The following EREG variants were observed in gnomAD, a reference collection of about 807,000 sequenced individuals.
EREG encodes the protein epiregulin.
EREG carries 23 observed loss-of-function variants against 22.4 expected under a neutral mutation model. The ratio of observed to expected loss-of-function variants is 1.03; its 90% confidence interval spans 0.74 to 1.46. The LOEUF (loss-of-function observed/expected upper bound fraction) is 1.46. EREG is among the 40% of genes most tolerant of loss of function. The pLI, the probability that EREG is intolerant of heterozygous loss-of-function variation, is 0.00. For missense variants in EREG, 226 were observed against 205.9 expected (o/e 1.10, Z -0.60); for synonymous variants, 100 against 75.4 (o/e 1.33, Z -1.69).
intron 1 of EREG, among the ~76,000 whole-genome samples, chr4:74,374,781 CCT>C: frequency 6.6e-6 from 1 of 151,944 alleles, no homozygotes; most frequent in South Asian, 2.1e-4. Context: ...CGATTTGTAT[CCT>C]CTGAGTCACT....
Position 74,382,736 on chromosome 4 carries a change from ATTC to A in EREG, c.373_375del (p.Leu125del), listed in dbSNP as rs1485768869. On this transcript the variant is annotated inframe_deletion, in exon 4 of 5. Transcript: ENST00000244869. ...CAAAGAATATGTGGCTTTGACCGTG[ATTC>A]TTATTATTTTGTTTCTTATCACAGT... 2 of 1,613,716 alleles carry A rather than the reference ATTC, an allele frequency of 1.2e-6. No individual in the cohort carries two copies. The highest frequency in any genetic ancestry group is 3.3e-5 in the Admixed American group (2 of 59,964).
intron 1 of EREG, among the ~76,000 whole-genome samples, chr4:74,369,667 G>T (rs548116102): frequency 6.6e-6 from 1 of 151,976 alleles, no homozygotes; most frequent in East Asian, 1.9e-4. Context: ...TGATTGATAC[G>T]TGCACACACA....
At chr4:74,377,914 A>G (rs959914344) in intron 1 of EREG, among the ~76,000 whole-genome samples, 2 of 152,262 alleles carry the variant, frequency 1.3e-5, no homozygotes, top group South Asian at 4.1e-4. Flanking sequence ...ATACATGGGG[A>G]TTGCAATTCC....
In EREG at chr4:74,386,030, C is replaced by G; in HGVS notation, c.*1222C>G. On this transcript the variant is annotated 3_prime_UTR_variant, in exon 5 of 5. Transcript: ENST00000244869. ...GTGGAGGCTGAGATGAAAACTAGGG[C>G]TCATTTTCCTGACATTTGTTTATTT... 2.7e-6 allele frequency: 1 copy of G among 367,890 alleles called. No homozygotes were observed. Among genetic ancestry groups the G allele is most frequent in the Non-Finnish European group, 4.8e-6 (1 of 206,412 alleles). 22.8% of individuals were successfully genotyped at this position (367,890 alleles called of 1,614,324 possible).
intron 1 of EREG, among the ~76,000 whole-genome samples, chr4:74,365,761 T>A (rs1326610950): frequency 6.8e-6 from 1 of 146,022 alleles, no homozygotes. Flanking sequence ...TGTTGGAGAG[T>A]GGGGAATAGA....
At chr4:74,368,398 TA>T (rs1752226622) in intron 1 of EREG, among the ~76,000 whole-genome samples, 1 of 152,224 alleles carries the variant, frequency 6.6e-6, no homozygotes, top group East Asian at 1.9e-4. Flanking sequence ...TTCCAAGGTT[TA>T]CATTAAGTAA....
Position 74,388,480 on chromosome 4 carries a change from T to C in EREG, c.*3672T>C, listed in dbSNP as rs1291239029. The C allele has an allele frequency of 6.6e-6, 1 of 152,630 alleles. No individual in the cohort carries two copies. Among genetic ancestry groups the C allele is most frequent in the Non-Finnish European group, 1.5e-5 (1 of 68,026 alleles). 9.5% of individuals were successfully genotyped at this position (152,630 alleles called of 1,614,324 possible). ...TGCACTTTTTAAGTTTGAAGAGCCA[T>C]TTTGGTAAACGGTTTTTATTAAAGA... On this transcript the variant is annotated 3_prime_UTR_variant, in exon 5 of 5. Transcript: ENST00000244869.
intron 1 of EREG, among the ~76,000 whole-genome samples, chr4:74,370,767 A>G (rs1752276494): frequency 6.6e-6 from 1 of 152,158 alleles, no homozygotes; most frequent in Admixed American, 6.5e-5. Context: ...TTAGAAATTA[A>G]AGAAACCTTA....
rs1271373435 is a variant in EREG, at chr4:74,387,437, T to C, written c.*2629T>C. The C allele has an allele frequency of 6.6e-6, 1 of 151,626 alleles. No individual in the cohort carries two copies. Among genetic ancestry groups the C allele is most frequent in the Non-Finnish European group, 1.5e-5 (1 of 68,030 alleles). 9.4% of individuals were successfully genotyped at this position (151,626 alleles called of 1,614,324 possible). A position where few individuals can be genotyped will look rare whatever the true frequency, so the allele number is the denominator to read the frequency against. ...TTGGTTTGTCAGTTTATCTTAAGCA[T>C]GTCAATTCATAAAAACAAGTCATTT... On this transcript the variant is annotated 3_prime_UTR_variant, in exon 5 of 5. Transcript: ENST00000244869.
At chr4:74,383,174 C>A (rs1752508478) in intron 4 of EREG, among the ~76,000 whole-genome samples, 1 of 152,114 alleles carries the variant, frequency 6.6e-6, no homozygotes. Context: ...CAATTCCCTT[C>A]TTTATCAAAT....
intron 1 of EREG, 104 bp downstream of exon 1, chr4:74,365,479 A>G (rs1578814520): frequency 2.7e-6 from 2 of 729,676 alleles, no homozygotes; most frequent in South Asian, 3.3e-5. Flanking sequence ...CTCCAGGTTC[A>G]AGTGTGCTCT....
chr4:74,386,608 A>G lies in EREG; in HGVS notation c.*1800A>G, dbSNP rs993865206. ...AAAGAAAAATCAATTAGATCTAAAC[A>G]GTTATTTCTGTTTCCTATTTAATAC... On this transcript the variant is annotated 3_prime_UTR_variant, in exon 5 of 5. Coordinates refer to ENST00000244869, the MANE Select transcript of EREG (RefSeq NM_001432.3). The G allele has an allele frequency of 2.0e-5, 3 of 152,208 alleles. No homozygotes were observed. The highest frequency in any genetic ancestry group is 7.2e-5 in the African/African-American group (3 of 41,454). 9.4% of individuals were successfully genotyped at this position (152,208 alleles called of 1,614,324 possible).
In EREG at chr4:74,386,743, T is replaced by TA. The variant is rs1752575220; in HGVS notation, c.*1941dup. 6.6e-6 allele frequency: 1 copy of TA among 151,968 alleles called. No homozygotes were observed. The highest frequency in any genetic ancestry group is 1.5e-5 in the Non-Finnish European group (1 of 68,018). 9.4% of individuals were successfully genotyped at this position (151,968 alleles called of 1,614,324 possible). A position where few individuals can be genotyped will look rare whatever the true frequency, so the allele number is the denominator to read the frequency against. On this transcript the variant is annotated 3_prime_UTR_variant, in exon 5 of 5. Transcript: ENST00000244869. The stretch of plus-strand genomic sequence containing the variant: ...CAACCAACCAAGGACGGAAAATGCT[T>TA]AAAAAATAATACAACAACAACAAAA...
chr4:74,387,567 A>G lies in EREG; in HGVS notation c.*2759A>G, dbSNP rs1321164344. 6.6e-6 allele frequency: 1 copy of G among 152,212 alleles called. No individual in the cohort carries two copies. Among genetic ancestry groups the G allele is most frequent in the Non-Finnish European group, 1.5e-5 (1 of 68,030 alleles). 9.4% of individuals were successfully genotyped at this position (152,212 alleles called of 1,614,324 possible). A position where few individuals can be genotyped will look rare whatever the true frequency, so the allele number is the denominator to read the frequency against. On this transcript the variant is annotated 3_prime_UTR_variant, in exon 5 of 5. Transcript: ENST00000244869. The stretch of plus-strand genomic sequence containing the variant: ...TAAAGTATGACCCACATTACTTTTT[A>G]TGGGTGAAAATAAGACAAAAATAAT...
At chr4:74,376,733 T>A (rs2110386700) in intron 1 of EREG, among the ~76,000 whole-genome samples, 1 of 152,320 alleles carries the variant, frequency 6.6e-6, no homozygotes, top group African/African-American at 2.4e-5. Flanking sequence ...TTTCAAATTG[T>A]TGAAGAACAG....
In EREG at chr4:74,386,644, A is replaced by T. The variant is rs1215792856; in HGVS notation, c.*1836A>T. 6.6e-6 allele frequency: 1 copy of T among 152,240 alleles called. No homozygotes were observed. Among genetic ancestry groups the T allele is most frequent in the African/African-American group, 2.4e-5 (1 of 41,464 alleles). The allele number at this position is 152,240 out of a possible 1,614,324, so 9.4% of individuals were successfully genotyped here. On this transcript the variant is annotated 3_prime_UTR_variant, in exon 5 of 5. Coordinates refer to ENST00000244869, the MANE Select transcript of EREG (RefSeq NM_001432.3). Reference sequence around the variant, plus strand: ...TTTCCTATTTAATACAGCTGAAGTCAAAATATGTAAGAACACATTTTAAAT... The same window carrying T: ...TTTCCTATTTAATACAGCTGAAGTCTAAATATGTAAGAACACATTTTAAAT...
intron 1 of EREG, among the ~76,000 whole-genome samples, chr4:74,377,618 G>C (rs890633050): frequency 1.3e-5 from 2 of 152,180 alleles, no homozygotes; most frequent in Non-Finnish European, 2.9e-5. Context: ...GGACTTCCCT[G>C]AGACTGGGTA....
chr4:74,372,479 G>T (rs994825384), intron 1 of EREG, among the ~76,000 whole-genome samples: 7 of 152,160 alleles, frequency 4.6e-5, no homozygotes, highest in African/African-American at 1.7e-4. Flanking sequence ...CCACAATGTG[G>T]CCATAATGAA....
In EREG at chr4:74,381,139, T is replaced by C; in HGVS notation, c.278+2T>C. ...GGACATGAGTCAAAACTACTGCAGG[T>C]AATATGTCAGAAATAAACAAACACA... On this transcript the variant is annotated splice_donor_variant, in intron 3 of 4. Coordinates refer to ENST00000244869, the MANE Select transcript of EREG (RefSeq NM_001432.3). LOFTEE classifies it high-confidence loss of function. The C allele has an allele frequency of 6.2e-7, 1 of 1,608,826 alleles. No individual in the cohort carries two copies. Among genetic ancestry groups the C allele is most frequent in the Non-Finnish European group, 8.5e-7 (1 of 1,178,432 alleles).
Sources: gnomAD v4.1 joint callset for allele counts (sites outside exome capture counted in the v4.1 genomes callset) on GRCh38, gnomAD v4.1.1 for gene constraint, MANE v1.5 for transcripts, NCBI Gene and HGNC (gene_info 2026-07-23, HGNC 2026-07-21) for gene names.